Variants in ARMH4 observed in about 807,000 individuals in gnomAD.
The protein encoded by ARMH4 is armadillo like helical domain containing 4.
ARMH4 carries 49 observed loss-of-function variants against 61.9 expected under a neutral mutation model. The ratio of observed to expected loss-of-function variants is 0.79; its 90% CI spans 0.63 to 1.00. The LOEUF is 1.00. Ranked by LOEUF, ARMH4 falls within the 50% of genes least tolerant of loss-of-function variation. The pLI is 0.00. For missense variants in ARMH4, 934 were observed against 930.0 expected (o/e 1.00, Z -0.06); for synonymous variants, 368 against 341.5 (o/e 1.08, Z -0.85).
At chr14:58,069,399 T>G (rs1472531654) in intron 5 of ARMH4, among the ~76,000 whole-genome samples, 4 of 152,166 alleles carry the variant, frequency 2.6e-5, no homozygotes, top group African/African-American at 9.7e-5. Context: ...ATGACAGACA[T>G]TTAAAAATAC....
At position 58,143,932 on chromosome 14, in the gene ARMH4, C is replaced by G. The variant is rs556473582; in HGVS notation, c.-56-4518G>C. 4.6e-5 allele frequency among the ~76,000 whole-genome samples: 7 copies of G among 152,018 alleles called. No individual in the cohort carries two copies. The East Asian group carries it at 1.4e-3, about 29-fold the overall frequency. On this transcript the variant is annotated intron_variant, in intron 1 of 7. Coordinates refer to ENST00000267485, the MANE Select transcript of ARMH4 (RefSeq NM_001001872.4). ...GGGATTACAGGTGCCCACCATCACACCCAGCTAATTTTTGTATTTTTAGTA... is the reference window on the plus strand; with the variant it reads ...GGGATTACAGGTGCCCACCATCACAGCCAGCTAATTTTTGTATTTTTAGTA...
chr14:58,133,186 C>G lies in ARMH4; in HGVS notation c.1525G>C (p.Gly509Arg). The G allele has an allele frequency of 6.2e-7, 1 of 1,614,082 alleles. No individual in the cohort carries two copies. Among genetic ancestry groups the G allele is most frequent in the Non-Finnish European group, 8.5e-7 (1 of 1,180,006 alleles). Residue 509 changes from glycine (G) to arginine (R), a missense_variant, in exon 3 of 8, where the codon GGT becomes CGT. Gly to Arg is a moderately radical substitution (Grantham distance 125, BLOSUM62 -2). Transcript: ENST00000267485. ...CATCTTCTTGACAGCTGAGTAACACCAGGAACGTCAGACACAGGAGAGGGG... is the reference window on the plus strand; with the variant it reads ...CATCTTCTTGACAGCTGAGTAACACGAGGAACGTCAGACACAGGAGAGGGG... ...EDPSPVSDVP[G>R]VTQLSRRWEP... is the part of the protein sequence containing the mutation.
intron 4 of ARMH4, among the ~76,000 whole-genome samples, chr14:58,113,437 T>C (rs529427709): frequency 1.3e-5 from 2 of 152,356 alleles, no homozygotes; most frequent in South Asian, 4.1e-4. Context: ...TTAACACTCC[T>C]GTACATCTTT....
intron 5 of ARMH4, among the ~76,000 whole-genome samples, chr14:58,038,476 G>A (rs1162522510): frequency 8.2e-5 from 11 of 134,052 alleles, no homozygotes; most frequent in East Asian, 2.3e-4. Context: ...TGGGTGCAGC[G>A]CACCAGCATG....
At position 58,004,004 on chromosome 14, in the gene ARMH4, T is replaced by A. The variant is rs1882070127; in HGVS notation, c.*732A>T. ...TAATCATAAACATGTATGACATGTATGATTGAGTCTGTTGGACTCAATCAC... is the reference window on the plus strand; with the variant it reads ...TAATCATAAACATGTATGACATGTAAGATTGAGTCTGTTGGACTCAATCAC... On this transcript the variant is annotated 3_prime_UTR_variant, in exon 8 of 8. Transcript: ENST00000267485. 1 of 152,216 alleles carries A rather than the reference T, an allele frequency of 6.6e-6. No individual in the cohort carries two copies. Among genetic ancestry groups the A allele is most frequent in the Non-Finnish European group, 1.5e-5 (1 of 68,032 alleles). The allele number at this position is 152,216 out of a possible 1,614,324, so 9.4% of individuals were successfully genotyped here. A position where few individuals can be genotyped will look rare whatever the true frequency, so the allele number is the denominator to read the frequency against.
intron 5 of ARMH4, among the ~76,000 whole-genome samples, chr14:58,030,490 A>T (rs957999370): frequency 6.6e-6 from 1 of 152,242 alleles, no homozygotes; most frequent in Non-Finnish European, 1.5e-5. Flanking sequence ...AGAAATGACC[A>T]TCTTAACCAT....
intron 4 of ARMH4, among the ~76,000 whole-genome samples, chr14:58,130,411 C>CA (rs758502670): frequency 2.6e-4 from 32 of 125,250 alleles, no homozygotes; most frequent in African/African-American, 8.7e-4. Flanking sequence ...TCGCTTTAGA[C>CA]AAAAAAAAAT....
intron 4 of ARMH4, among the ~76,000 whole-genome samples, chr14:58,128,751 C>A (rs1886986000): frequency 6.6e-6 from 1 of 152,224 alleles, no homozygotes; most frequent in Admixed American, 6.5e-5. Flanking sequence ...AGACAGCTGG[C>A]AAACTCTTCA....
In ARMH4 at chr14:58,035,956, A is replaced by C. The variant is rs1470819377; in HGVS notation, c.2090-23806T>G. Among the ~76,000 whole-genome samples, 2 of 130,540 alleles carry C rather than the reference A, an allele frequency of 1.5e-5. 1 individual carries two copies. Among genetic ancestry groups the C allele is most frequent in the Non-Finnish European group, 3.4e-5 (2 of 57,982 alleles). The allele number at this position is 130,540 out of a possible 152,430, so 85.6% of individuals were successfully genotyped here. A position where few individuals can be genotyped will look rare whatever the true frequency, so the allele number is the denominator to read the frequency against. ...CCAGGACCAGATGGATTCATAGCCG[A>C]ATTCTACCAGAGGTACAAGGAGGAA... On this transcript the variant is annotated intron_variant, in intron 5 of 7. Coordinates refer to ENST00000267485, the MANE Select transcript of ARMH4 (RefSeq NM_001001872.4).
At chr14:58,077,518 G>T (rs1566569604) in intron 5 of ARMH4, among the ~76,000 whole-genome samples, 1 of 152,140 alleles carries the variant, frequency 6.6e-6, no homozygotes, top group African/African-American at 2.4e-5. Flanking sequence ...GAGGTGGGGG[G>T]ACCGCTTGAG....
At position 58,050,801 on chromosome 14, in the gene ARMH4, C is replaced by T. The variant is rs180675312; in HGVS notation, c.2090-38651G>A. Among the ~76,000 whole-genome samples the T allele has an allele frequency of 1.3e-3, 199 of 152,024 alleles. 1 individual carries two copies. Among genetic ancestry groups the T allele is most frequent in the Middle Eastern group, 3.4e-3 (1 of 294 alleles). On this transcript the variant is annotated intron_variant, in intron 5 of 7. Coordinates refer to ENST00000267485, the MANE Select transcript of ARMH4 (RefSeq NM_001001872.4). ...ACTTTTTCATGTTACAAAACTGAAA[C>T]GCTATATCCATTAAACAACAGCTCT...
intron 5 of ARMH4, among the ~76,000 whole-genome samples, chr14:58,072,037 G>A (rs1884898001): frequency 6.6e-6 from 1 of 152,078 alleles, no homozygotes; most frequent in African/African-American, 2.4e-5. Flanking sequence ...ATTTCATCTA[G>A]TGCATTTCCT....
chr14:58,079,051 A>C (rs1346820421), intron 5 of ARMH4, among the ~76,000 whole-genome samples: 1 of 152,224 alleles, frequency 6.6e-6, no homozygotes, highest in Non-Finnish European at 1.5e-5. Flanking sequence ...AGCTATTTTG[A>C]GACCATGCAA....
Position 58,138,617 on chromosome 14 carries a change from CA to C in ARMH4, c.741del (p.Gly248GlufsTer13), listed in dbSNP as rs751178675. ...TTCTCCTTATCAGGGGTGAGGCTTC[CA>C]GGCTCACTGCCTGCTGTGGACTCAG... Reference protein sequence around the residue: ...PGAESTAGSEPGSLTPDKEKP... With the variant: ...PGAESTAGSEXGSLTPDKEKP... On this transcript the variant is annotated frameshift_variant, in exon 2 of 8. Coordinates refer to ENST00000267485, the MANE Select transcript of ARMH4 (RefSeq NM_001001872.4). LOFTEE classifies it high-confidence loss of function. 2.5e-6 allele frequency: 4 copies of C among 1,614,134 alleles called. No individual in the cohort carries two copies. The highest frequency in any genetic ancestry group is 3.4e-6 in the Non-Finnish European group (4 of 1,180,022).
rs61741193 is a variant in ARMH4, at chr14:58,138,354, C to G, written c.1005G>C (p.Glu335Asp). 40,597 of 1,614,100 alleles carry G rather than the reference C, an allele frequency of 0.025. 723 individuals are homozygous for G. Among genetic ancestry groups the G allele is most frequent in the South Asian group, 0.052 (4,743 of 91,072 alleles). ...IRTPKLGDNE[E>D]TQVRTEMSQT... The stretch of plus-strand genomic sequence containing the variant: ...GAGACATCTCCGTTCTCACCTGAGT[C>G]TCTTCATTGTCTCCAAGCTTGGGGG... The change falls in exon 2 of 8, where the codon GAG (glutamate) becomes GAC (aspartate). Residue 335 changes from glutamate to aspartate, a missense_variant. Physicochemically the swap from Glu to Asp is conservative, Grantham distance 45 (BLOSUM62 2). Transcript: ENST00000267485.
rs542830706 is a variant in ARMH4 at position 58,106,787 on chromosome 14, G to C, written c.1832-9806C>G. Among the ~76,000 whole-genome samples, 136 of 145,222 alleles carry C rather than the reference G, an allele frequency of 9.4e-4. No individual in the cohort carries two copies. The South Asian group carries it at 0.013, about 14-fold the overall frequency. On this transcript the variant is annotated intron_variant, in intron 4 of 7. Transcript: ENST00000267485. ...TTTTATAAGTTTTGTTTTACTTACA[G>C]GTTACTTGGTAGGTGAAAAAAAAAA...
At chr14:58,142,678 G>A (rs1246264647) in intron 1 of ARMH4, among the ~76,000 whole-genome samples, 1 of 151,890 alleles carries the variant, frequency 6.6e-6, no homozygotes, top group Non-Finnish European at 1.5e-5. Flanking sequence ...CACCATGTTG[G>A]CCAGACTGGT....
At chr14:58,053,494 A>G (rs1002738741) in intron 5 of ARMH4, among the ~76,000 whole-genome samples, 2 of 151,852 alleles carry the variant, frequency 1.3e-5, no homozygotes, top group African/African-American at 4.8e-5. Flanking sequence ...TCATAGATCA[A>G]TTCCCTTCCT....
chr14:58,086,473 T>C (rs961962778), intron 5 of ARMH4, among the ~76,000 whole-genome samples: 19 of 152,282 alleles, frequency 1.2e-4, no homozygotes, highest in South Asian at 6.2e-4. Context: ...CTAAGCTTAG[T>C]GTCAGTTATA....
Sources: allele counts gnomAD v4.1 joint callset (sites outside exome capture counted in the v4.1 genomes callset), GRCh38; gene constraint gnomAD v4.1.1; transcripts MANE v1.5; gene names NCBI Gene and HGNC (gene_info 2026-07-23, HGNC 2026-07-21).